The following MAML2 variants were observed in gnomAD, a reference collection of about 807,000 sequenced individuals.
The protein encoded by MAML2 is mastermind like transcriptional coactivator 2, also known as mastermind-like protein 2.
Under a neutral mutation model 96.1 loss-of-function variants are expected in MAML2, and 22 were observed. The observed-to-expected ratio is 0.23, with a 90% confidence interval of 0.16 to 0.33. The LOEUF is 0.33. Ranked by LOEUF, MAML2 falls within the 10% of genes least tolerant of loss-of-function variation. The pLI, the probability that MAML2 is intolerant of heterozygous loss-of-function variation, is 1.00. For missense variants in MAML2, 1,367 were observed against 1,392.4 expected, an observed-to-expected ratio of 0.98 and a Z score of 0.29; for synonymous variants, 561 against 521.3, an observed-to-expected ratio of 1.08 and a Z score of -1.04.
At chr11:96,332,999 A>G (rs1414508025) in intron 1 of MAML2, among the ~76,000 whole-genome samples, 1 of 152,166 alleles carries the variant, frequency 6.6e-6, no homozygotes, top group Non-Finnish European at 1.5e-5. Flanking sequence ...CCTTAACTGA[A>G]TTTTCTTAGA....
intron 1 of MAML2, among the ~76,000 whole-genome samples, chr11:96,107,251 G>T (rs551242848): frequency 1.3e-5 from 2 of 152,130 alleles, no homozygotes; most frequent in South Asian, 4.1e-4. Context: ...CCCAAGCTTT[G>T]GCATCAGAGA....
chr11:96,121,085 G>GC (rs1227389270), intron 1 of MAML2, among the ~76,000 whole-genome samples: 4 of 151,082 alleles, frequency 2.6e-5, no homozygotes, highest in African/African-American at 7.4e-5. Context: ...CCAGAGTCAG[G>GC]GGGGAGTGAA....
intron 1 of MAML2, among the ~76,000 whole-genome samples, chr11:96,338,697 A>G (rs1457833080): frequency 6.6e-6 from 1 of 152,188 alleles, no homozygotes; most frequent in Non-Finnish European, 1.5e-5. Flanking sequence ...CCTTTCTCCA[A>G]AGGACATTTA....
At chr11:95,997,587 A>T (rs1247432294) in intron 2 of MAML2, among the ~76,000 whole-genome samples, 1 of 152,216 alleles carries the variant, frequency 6.6e-6, no homozygotes, top group African/African-American at 2.4e-5. Flanking sequence ...CAGTAAAAAG[A>T]TACTGAAGGG....
chr11:96,116,498 T>C (rs1439254629), intron 1 of MAML2, among the ~76,000 whole-genome samples: 2 of 152,220 alleles, frequency 1.3e-5, no homozygotes, highest in African/African-American at 2.4e-5. Context: ...TGTTCTACTC[T>C]GGTCTGACAA....
Position 96,343,184 on chromosome 11 carries a change from AAGAG to A in MAML2, c.-1293_-1290del, listed in dbSNP as rs921266286. ...TGTGCTCCGATAGGAGAGGGAGAGA[AAGAG>A]AGAGAGTGAGACAGAGAAGGAGAAA... On this transcript the variant is annotated 5_prime_UTR_variant, in exon 1 of 5. Coordinates refer to ENST00000524717, the MANE Select transcript of MAML2 (RefSeq NM_032427.4). 9 of 272,924 alleles carry A rather than the reference AAGAG, an allele frequency of 3.3e-5. No individual in the cohort carries two copies. The highest frequency in any genetic ancestry group is 1.4e-4 in the African/African-American group (6 of 43,274). The allele number at this position is 272,924 out of a possible 1,614,324, so 16.9% of individuals were successfully genotyped here. A position where few individuals can be genotyped will look rare whatever the true frequency, so the allele number is the denominator to read the frequency against.
chr11:96,075,629 T>C (rs1859422708), intron 2 of MAML2, among the ~76,000 whole-genome samples: 1 of 152,160 alleles, frequency 6.6e-6, no homozygotes, highest in Non-Finnish European at 1.5e-5. Flanking sequence ...GAAGGTATAA[T>C]GTAAAAGAAG....
In MAML2 at chr11:96,121,950, C is replaced by CTTTTTTTTTTTTTTT. The variant is rs71040130; in HGVS notation, c.514-28448_514-28434dup. Among the ~76,000 whole-genome samples, 36 of 56,848 alleles carry CTTTTTTTTTTTTTTT rather than the reference C, an allele frequency of 6.3e-4. 1 individual carries two copies. Among genetic ancestry groups the CTTTTTTTTTTTTTTT allele is most frequent in the Non-Finnish European group, 8.1e-4 (27 of 33,392 alleles). 37.3% of individuals were successfully genotyped at this position (56,848 alleles called of 152,430 possible). A position where few individuals can be genotyped will look rare whatever the true frequency, so the allele number is the denominator to read the frequency against. ...TACAGGCACCCGCCACCACGCCCGG[C>CTTTTTTTTTTTTTTT]TTTTTTTTTTTTTTTTTTTTTTTTT... On this transcript the variant is annotated intron_variant, in intron 1 of 4. Coordinates refer to ENST00000524717, the MANE Select transcript of MAML2 (RefSeq NM_032427.4).
intron 1 of MAML2, among the ~76,000 whole-genome samples, chr11:96,197,147 G>C (rs1861744846): frequency 6.6e-6 from 1 of 152,122 alleles, no homozygotes; most frequent in Non-Finnish European, 1.5e-5. Context: ...ATGTGGTGTG[G>C]TAAAGACCTG....
chr11:96,318,600 C>T (rs71475388), intron 1 of MAML2, among the ~76,000 whole-genome samples: 2,396 of 152,280 alleles, frequency 0.016, 22 homozygotes, highest in Non-Finnish European at 0.026. Flanking sequence ...TCTGAAACAA[C>T]GGTTTGATGT....
intron 1 of MAML2, among the ~76,000 whole-genome samples, chr11:96,269,911 G>C (rs1032840651): frequency 7.0e-6 from 1 of 143,884 alleles, no homozygotes; most frequent in Non-Finnish European, 1.5e-5. Flanking sequence ...ACCTCTAAAC[G>C]TTGGGAGCCC....
intron 1 of MAML2, among the ~76,000 whole-genome samples, chr11:96,298,656 T>C (rs369759483): frequency 1.6e-4 from 25 of 151,658 alleles, no homozygotes; most frequent in African/African-American, 6.0e-4. Context: ...CTACACTATA[T>C]ACACAATATG....
In MAML2 at chr11:96,324,781, A is replaced by C. The variant is rs557403039; in HGVS notation, c.513+16602T>G. Among the ~76,000 whole-genome samples, 26 of 152,304 alleles carry C rather than the reference A, an allele frequency of 1.7e-4. No individual in the cohort carries two copies. In the South Asian group the frequency reaches 5.4e-3, roughly 32 times the overall value. On this transcript the variant is annotated intron_variant, in intron 1 of 4. Coordinates refer to ENST00000524717, the MANE Select transcript of MAML2 (RefSeq NM_032427.4). The stretch of plus-strand genomic sequence containing the variant: ...GTTCCATCTAATATATTCATTCTGA[A>C]ATAAGCAATGGTAAGGAGAAAAAGT...
chr11:95,986,088 G>A (rs572404359), intron 3 of MAML2, among the ~76,000 whole-genome samples: 70 of 152,294 alleles, frequency 4.6e-4, no homozygotes, highest in African/African-American at 1.6e-3. Context: ...CATCTGATAT[G>A]CTTTGGCAGG....
chr11:96,034,402 C>T (rs890533782), intron 2 of MAML2, among the ~76,000 whole-genome samples: 4 of 135,182 alleles, frequency 3.0e-5, no homozygotes, highest in African/African-American at 1.3e-4. Flanking sequence ...TGGTCAAATA[C>T]TTTGAAGTGT....
chr11:96,015,715 G>T (rs950579947), intron 2 of MAML2, among the ~76,000 whole-genome samples: 1 of 152,032 alleles, frequency 6.6e-6, no homozygotes, highest in Non-Finnish European at 1.5e-5. Flanking sequence ...AGGCTTTATG[G>T]CATTAGATAC....
intron 1 of MAML2, among the ~76,000 whole-genome samples, chr11:96,333,487 A>G (rs931385247): frequency 6.6e-6 from 1 of 152,228 alleles, no homozygotes; most frequent in Non-Finnish European, 1.5e-5. Flanking sequence ...TCATAGAAAC[A>G]CCATGCTTTC....
intron 1 of MAML2, among the ~76,000 whole-genome samples, chr11:96,248,186 C>A (rs1368145397): frequency 1.3e-5 from 2 of 148,958 alleles, no homozygotes; most frequent in South Asian, 2.1e-4. Flanking sequence ...GATCTCCGCT[C>A]ACTGCAGCCT....
chr11:96,230,017 G>A (rs868240213), intron 1 of MAML2, among the ~76,000 whole-genome samples: 18 of 152,128 alleles, frequency 1.2e-4, no homozygotes, highest in African/African-American at 3.6e-4. Flanking sequence ...TTTCAGAATT[G>A]TTATCCTCAA....
Sources: gnomAD v4.1 joint callset for allele counts (sites outside exome capture counted in the v4.1 genomes callset) on GRCh38, gnomAD v4.1.1 for gene constraint, MANE v1.5 for transcripts, NCBI Gene and HGNC (gene_info 2026-07-23, HGNC 2026-07-21) for gene names.